The following GMDS variants were observed in gnomAD, a reference collection of about 807,000 sequenced individuals.
GMDS encodes the protein GDP-mannose 4,6-dehydratase.
In GMDS, 20 loss-of-function variants were observed where a neutral mutation model predicts 49.9. The observed-to-expected ratio is 0.40, with a 90% CI of 0.28 to 0.58. The LOEUF is 0.58. GMDS is among the 20% of genes least tolerant of loss of function. GMDS has a pLI of 0.42. For missense variants in GMDS, 362 were observed against 481.4 expected, an observed-to-expected ratio of 0.75 and a Z score of 2.32; for synonymous variants, 177 against 178.6, an observed-to-expected ratio of 0.99 and a Z score of 0.07.
intron 1 of GMDS, among the ~76,000 whole-genome samples, chr6:2,208,559 A>C (rs1208983923): frequency 6.6e-6 from 1 of 152,212 alleles, no homozygotes; most frequent in Non-Finnish European, 1.5e-5. Flanking sequence ...AGGGCCACAA[A>C]GAGGTGGTAC....
intron 8 of GMDS, among the ~76,000 whole-genome samples, chr6:1,740,467 G>C (rs774835550): frequency 6.6e-6 from 1 of 151,136 alleles, no homozygotes; most frequent in Non-Finnish European, 1.5e-5. Context: ...TGAGGCAGGA[G>C]AATCACTGGA....
intron 9 of GMDS, among the ~76,000 whole-genome samples, chr6:1,646,375 A>G (rs1763484333): frequency 6.6e-6 from 1 of 152,034 alleles, no homozygotes; most frequent in Non-Finnish European, 1.5e-5. Context: ...AGGACCCTCC[A>G]TTACTTGCCA....
At chr6:2,188,221 A>C (rs1207988767) in intron 1 of GMDS, among the ~76,000 whole-genome samples, 1 of 152,370 alleles carries the variant, frequency 6.6e-6, no homozygotes, top group Middle Eastern at 3.4e-3. Flanking sequence ...TTTTACCCAA[A>C]TGCTCAGAAA....
intron 9 of GMDS, among the ~76,000 whole-genome samples, chr6:1,641,704 T>TTCTCTCTC (rs67714741): frequency 1.6e-4 from 24 of 147,968 alleles, no homozygotes; most frequent in African/African-American, 4.0e-4. Flanking sequence ...CTCGGATGAT[T>TTCTCTCTC]TCTCTCTCTC....
intron 4 of GMDS, among the ~76,000 whole-genome samples, chr6:1,977,183 T>G (rs1221082250): frequency 6.6e-6 from 1 of 152,172 alleles, no homozygotes; most frequent in African/African-American, 2.4e-5. Context: ...GTAATTCCAT[T>G]GGGTAAGTGA....
At chr6:2,047,495 C>CT (rs1230989926) in intron 4 of GMDS, among the ~76,000 whole-genome samples, 1 of 151,794 alleles carries the variant, frequency 6.6e-6, no homozygotes, top group Non-Finnish European at 1.5e-5. Flanking sequence ...TTTGTTTTTT[C>CT]TTTTTTTTGA....
At chr6:1,818,873 G>A (rs138227515) in intron 7 of GMDS, among the ~76,000 whole-genome samples, 7 of 151,856 alleles carry the variant, frequency 4.6e-5, no homozygotes, top group East Asian at 3.9e-4. Flanking sequence ...TTGTTACTTC[G>A]CTTCTCTTTG....
intron 4 of GMDS, among the ~76,000 whole-genome samples, chr6:2,086,971 C>T (rs1773053323): frequency 6.6e-6 from 1 of 152,182 alleles, no homozygotes; most frequent in South Asian, 2.1e-4. Context: ...CACAATATTG[C>T]TCCAAATAAA....
At chr6:1,843,618 AT>A (rs1178550585) in intron 7 of GMDS, among the ~76,000 whole-genome samples, 14 of 152,052 alleles carry the variant, frequency 9.2e-5, no homozygotes, top group Non-Finnish European at 1.9e-4. Context: ...AAATACAAAA[AT>A]TAGCTGGGTG....
chr6:1,957,381 A>G (rs978975260), intron 6 of GMDS, among the ~76,000 whole-genome samples: 1 of 152,222 alleles, frequency 6.6e-6, no homozygotes, highest in Non-Finnish European at 1.5e-5. Context: ...CTTGGAAAAC[A>G]ACATTACTGT....
intron 7 of GMDS, among the ~76,000 whole-genome samples, chr6:1,772,932 C>T (rs557445196): frequency 3.9e-5 from 6 of 152,324 alleles, no homozygotes; most frequent in Non-Finnish European, 5.9e-5. Context: ...TAGCAGTTAA[C>T]TGTCATTAGC....
intron 4 of GMDS, among the ~76,000 whole-genome samples, chr6:2,096,008 T>C (rs1265622879): frequency 6.6e-6 from 1 of 152,198 alleles, no homozygotes; most frequent in East Asian, 1.9e-4. Context: ...GCAACATATA[T>C]ACCTGATAAA....
At chr6:2,237,916 T>A (rs1463767398) in intron 1 of GMDS, among the ~76,000 whole-genome samples, 1 of 152,056 alleles carries the variant, frequency 6.6e-6, no homozygotes, top group Non-Finnish European at 1.5e-5. Flanking sequence ...AATAGCCTGG[T>A]TAACATCAAT....
intron 1 of GMDS, among the ~76,000 whole-genome samples, chr6:2,173,866 C>G (rs2127556573): frequency 6.6e-6 from 1 of 152,308 alleles, no homozygotes; most frequent in East Asian, 1.9e-4. Context: ...ATTCCTCAAG[C>G]ATCTGAGTAA....
At chr6:1,980,844 C>T (rs969105381) in intron 4 of GMDS, among the ~76,000 whole-genome samples, 2 of 152,146 alleles carry the variant, frequency 1.3e-5, no homozygotes, top group South Asian at 2.1e-4. Flanking sequence ...GTTTCTCAGA[C>T]TACAGCCCAA....
chr6:1,731,390 A>C (rs1387923245), intron 8 of GMDS, among the ~76,000 whole-genome samples: 1 of 152,194 alleles, frequency 6.6e-6, no homozygotes, highest in Non-Finnish European at 1.5e-5. Flanking sequence ...GGTGTCCTCC[A>C]ATAACGAATG....
At chr6:1,785,335 A>T (rs546516732) in intron 7 of GMDS, among the ~76,000 whole-genome samples, 1 of 152,220 alleles carries the variant, frequency 6.6e-6, no homozygotes, top group Non-Finnish European at 1.5e-5. Context: ...AAAAATTCTA[A>T]CAAGTAGCAA....
chr6:1,683,784 G>C (rs1377756617), intron 9 of GMDS, among the ~76,000 whole-genome samples: 1 of 152,192 alleles, frequency 6.6e-6, no homozygotes, highest in African/African-American at 2.4e-5. Flanking sequence ...GAAGTAGTAG[G>C]CTCTTGGCTT....
intron 7 of GMDS, among the ~76,000 whole-genome samples, chr6:1,865,372 A>C (rs181371559): frequency 6.6e-6 from 1 of 152,340 alleles, no homozygotes; most frequent in Non-Finnish European, 1.5e-5. Flanking sequence ...GGAAGAACAG[A>C]GACTGCTGAA....
Sources: gnomAD v4.1 joint callset for allele counts (sites outside exome capture counted in the v4.1 genomes callset) on GRCh38, gnomAD v4.1.1 for gene constraint, MANE v1.5 for transcripts, NCBI Gene and HGNC (gene_info 2026-07-23, HGNC 2026-07-21) for gene names.